The following SLC10A7 variants were observed in gnomAD, a reference collection of about 807,000 sequenced individuals.
SLC10A7 encodes sodium/bile acid cotransporter 7.
SLC10A7 carries 29 observed loss-of-function variants against 43.2 expected under a neutral mutation model. The observed-to-expected ratio is 0.67, with a 90% confidence interval of 0.50 to 0.92. The LOEUF (loss-of-function observed/expected upper bound fraction) is 0.92, where lower values mean the gene tolerates loss of function less well. Among genes scored for constraint, SLC10A7 ranks in the 40% least tolerant of loss-of-function variants. The probability of loss-of-function intolerance (pLI) is 0.00; values close to 1 mark genes in which losing one functional copy is unlikely to be tolerated. For synonymous variants in SLC10A7, 152 were observed against 144.8 expected (o/e 1.05, Z -0.35); for missense variants, 295 against 403.2 (o/e 0.73, Z 2.30).
At chr4:146,309,316 T>A (rs1055953228) in intron 6 of SLC10A7, among the ~76,000 whole-genome samples, 3 of 152,152 alleles carry the variant, frequency 2.0e-5, no homozygotes, top group African/African-American at 7.2e-5. Flanking sequence ...GTCATTCACA[T>A]TTACAGTCCC....
At chr4:146,345,743 T>A (rs1217880836) in intron 5 of SLC10A7, among the ~76,000 whole-genome samples, 1 of 152,172 alleles carries the variant, frequency 6.6e-6, no homozygotes, top group Non-Finnish European at 1.5e-5. Flanking sequence ...GGACCATGCT[T>A]ATTTTTACTC....
chr4:146,453,555 C>T (rs1465263963), intron 4 of SLC10A7, among the ~76,000 whole-genome samples: 1 of 151,910 alleles, frequency 6.6e-6, no homozygotes, highest in Non-Finnish European at 1.5e-5. Flanking sequence ...GGAAATCTTT[C>T]ACAAGCTGTA....
Position 146,271,959 on chromosome 4 carries a change from T to C in SLC10A7, c.847+11233A>G, listed in dbSNP as rs186959990. Among the ~76,000 whole-genome samples, 60 of 152,310 alleles carry C rather than the reference T, an allele frequency of 3.9e-4. 1 individual carries two copies. Among genetic ancestry groups the C allele is most frequent in the African/African-American group, 1.3e-3 (56 of 41,574 alleles). On this transcript the variant is annotated intron_variant, in intron 10 of 11. Coordinates refer to ENST00000335472, the MANE Select transcript of SLC10A7 (RefSeq NM_001029998.6). ...ATCTCCACCCTGGCATTCCTGATTC[T>C]CCTTTCTGGTTTTCTTTTTCTCCAT...
At chr4:146,451,605 T>C (rs956835588) in intron 4 of SLC10A7, among the ~76,000 whole-genome samples, 12 of 152,086 alleles carry the variant, frequency 7.9e-5, no homozygotes, top group Admixed American at 3.3e-4. Flanking sequence ...GCACACCACA[T>C]CAATAGAATG....
intron 10 of SLC10A7, among the ~76,000 whole-genome samples, chr4:146,276,246 A>G (rs1274697211): frequency 1.3e-5 from 2 of 152,206 alleles, no homozygotes; most frequent in East Asian, 1.9e-4. Flanking sequence ...TGATAGAGAT[A>G]TAACAAAAGT....
intron 4 of SLC10A7, among the ~76,000 whole-genome samples, chr4:146,447,432 T>C (rs1731190083): frequency 6.6e-6 from 1 of 152,162 alleles, no homozygotes; most frequent in Non-Finnish European, 1.5e-5. Flanking sequence ...TAGCAGTTCT[T>C]TTGTTATTAT....
intron 4 of SLC10A7, among the ~76,000 whole-genome samples, chr4:146,465,890 CCTGT>C (rs1732981871): frequency 1.3e-5 from 2 of 152,176 alleles, no homozygotes; most frequent in South Asian, 2.1e-4. Flanking sequence ...AACCAGCCCT[CCTGT>C]CTAACCACAA....
intron 5 of SLC10A7, among the ~76,000 whole-genome samples, chr4:146,395,560 T>C (rs1298463700): frequency 6.6e-6 from 1 of 152,184 alleles, no homozygotes; most frequent in African/African-American, 2.4e-5. Context: ...GTGCACCTAA[T>C]AGATAGAACA....
intron 5 of SLC10A7, among the ~76,000 whole-genome samples, chr4:146,364,533 C>A (rs1255254674): frequency 6.6e-6 from 1 of 152,108 alleles, no homozygotes; most frequent in South Asian, 2.1e-4. Context: ...AAGTGCAGAA[C>A]AACAAATGTT....
intron 4 of SLC10A7, among the ~76,000 whole-genome samples, chr4:146,488,099 G>A (rs1448979225): frequency 1.3e-5 from 2 of 152,026 alleles, no homozygotes; most frequent in Admixed American, 1.3e-4. Context: ...ACTGAGGCAG[G>A]AGGATTGCTT....
At chr4:146,438,081 T>C (rs1227845128) in intron 5 of SLC10A7, among the ~76,000 whole-genome samples, 1 of 152,024 alleles carries the variant, frequency 6.6e-6, no homozygotes, top group Non-Finnish European at 1.5e-5. Flanking sequence ...ATGGCACTTG[T>C]GTTTGGGATT....
intron 6 of SLC10A7, among the ~76,000 whole-genome samples, chr4:146,315,219 C>T (rs975271658): frequency 6.6e-6 from 1 of 152,132 alleles, no homozygotes; most frequent in Middle Eastern, 3.2e-3. Flanking sequence ...AACCCAACCA[C>T]CTGACTTCAC....
chr4:146,416,500 T>C (rs1179830969), intron 5 of SLC10A7, among the ~76,000 whole-genome samples: 1 of 152,226 alleles, frequency 6.6e-6, no homozygotes, highest in Non-Finnish European at 1.5e-5. Flanking sequence ...AGGATATCAA[T>C]GAGCCTCAGC....
intron 5 of SLC10A7, among the ~76,000 whole-genome samples, chr4:146,396,880 A>G (rs1738867638): frequency 6.6e-6 from 1 of 152,096 alleles, no homozygotes; most frequent in African/African-American, 2.4e-5. Context: ...AAGAAAAGTC[A>G]CCAAGATTTA....
chr4:146,339,806 TC>T (rs1288180772), intron 5 of SLC10A7, among the ~76,000 whole-genome samples: 1 of 151,144 alleles, frequency 6.6e-6, no homozygotes, highest in Non-Finnish European at 1.5e-5. Context: ...GTTTCATTTG[TC>T]GTTTTTTTTT....
At chr4:146,500,333 A>G (rs748730927) in intron 4 of SLC10A7, among the ~76,000 whole-genome samples, 2 of 152,016 alleles carry the variant, frequency 1.3e-5, no homozygotes, top group Non-Finnish European at 2.9e-5. Flanking sequence ...TGGCAATTGC[A>G]CACTTTCTCC....
chr4:146,264,893 T>C (rs965610771), intron 10 of SLC10A7, among the ~76,000 whole-genome samples: 7 of 152,198 alleles, frequency 4.6e-5, no homozygotes, highest in Non-Finnish European at 1.0e-4. Flanking sequence ...TAAGCTAAGA[T>C]TATACTTATA....
At chr4:146,356,051 A>AAAT (rs1553961389) in intron 5 of SLC10A7, among the ~76,000 whole-genome samples, 17 of 140,132 alleles carry the variant, frequency 1.2e-4, no homozygotes, top group East Asian at 6.3e-4. Context: ...AAAAAAAAAA[A>AAAT]ATATATATAT....
intron 9 of SLC10A7, among the ~76,000 whole-genome samples, chr4:146,291,594 A>G (rs1000101096): frequency 1.2e-4 from 18 of 151,618 alleles, no homozygotes; most frequent in African/African-American, 4.4e-4. Context: ...TCCAGTTACT[A>G]TTACTATTTC....
Sources: allele counts gnomAD v4.1 joint callset (sites outside exome capture counted in the v4.1 genomes callset), GRCh38; gene constraint gnomAD v4.1.1; transcripts MANE v1.5; gene names NCBI Gene and HGNC (gene_info 2026-07-23, HGNC 2026-07-21).